ZNF385D: variants seen among roughly 807,000 people sequenced by gnomAD.
ZNF385D encodes the protein zinc finger protein 385D, also known as zinc finger protein 659.
In ZNF385D, 15 loss-of-function variants were observed where a neutral mutation model predicts 35.8. That is an observed-to-expected ratio of 0.42 (90% CI 0.28 to 0.64). The LOEUF is 0.64. Among genes scored for constraint, ZNF385D ranks in the 30% least tolerant of loss-of-function variants. The probability of loss-of-function intolerance (pLI) is 0.23; values close to 1 mark genes in which losing one functional copy is unlikely to be tolerated. For missense variants in ZNF385D, 474 were observed against 494.6 expected (o/e 0.96, Z 0.39); for synonymous variants, 212 against 186.8 (o/e 1.13, Z -1.10).
chr3:21,577,080 G>C (rs1440216645), intron 2 of ZNF385D, among the ~76,000 whole-genome samples: 1 of 152,078 alleles, frequency 6.6e-6, no homozygotes, highest in Admixed American at 6.6e-5. Flanking sequence ...CTTTAATAAA[G>C]TGCTAAAGAA....
At chr3:21,978,427 C>T (rs934249866) in intron 3 of ZNF385D, 14 of 152,068 alleles carry the variant, frequency 9.2e-5, no homozygotes, top group African/African-American at 3.1e-4. Context: ...TTTATTTTTG[C>T]TTTAAAGGGG....
At chr3:22,136,403 T>C (rs747321457) in intron 3 of ZNF385D, among the ~76,000 whole-genome samples, 14 of 149,548 alleles carry the variant, frequency 9.4e-5, no homozygotes, top group Non-Finnish European at 1.9e-4. Context: ...AAAAAAAGTA[T>C]CAACAATCTA....
chr3:22,085,817 C>A (rs574745521), intron 3 of ZNF385D, among the ~76,000 whole-genome samples: 14 of 152,304 alleles, frequency 9.2e-5, no homozygotes, highest in Admixed American at 5.2e-4. Flanking sequence ...AAAATACTGG[C>A]AAACCGAATC....
At chr3:21,981,237 T>C (rs559524714) in intron 3 of ZNF385D, among the ~76,000 whole-genome samples, 145 of 152,278 alleles carry the variant, frequency 9.5e-4, no homozygotes, top group African/African-American at 2.5e-3. Flanking sequence ...CTGTTACTTT[T>C]TCACTTTTTA....
intron 4 of ZNF385D, among the ~76,000 whole-genome samples, chr3:21,446,782 C>T (rs1039556340): frequency 1.3e-4 from 16 of 119,432 alleles, no homozygotes; most frequent in South Asian, 3.3e-4. Flanking sequence ...CGTGAGCCAC[C>T]GTGCCTGGCC....
intron 3 of ZNF385D, among the ~76,000 whole-genome samples, chr3:22,027,144 C>A (rs867630739): frequency 6.6e-6 from 1 of 152,184 alleles, no homozygotes; most frequent in South Asian, 2.1e-4. Flanking sequence ...AGCTCAGATA[C>A]TCCTTCTAAG....
intron 3 of ZNF385D, among the ~76,000 whole-genome samples, chr3:22,150,242 C>G (rs1705132285): frequency 6.6e-6 from 1 of 152,162 alleles, no homozygotes. Context: ...AACTTTCCCT[C>G]TATGTTCAAA....
intron 2 of ZNF385D, among the ~76,000 whole-genome samples, chr3:21,587,944 A>C (rs1429995319): frequency 6.6e-6 from 1 of 152,174 alleles, no homozygotes; most frequent in Non-Finnish European, 1.5e-5. Flanking sequence ...AAGGTTTTTA[A>C]AAAGGTAGGT....
intron 2 of ZNF385D, among the ~76,000 whole-genome samples, chr3:21,583,808 T>G (rs1028000335): frequency 2.7e-5 from 4 of 150,922 alleles, no homozygotes; most frequent in African/African-American, 9.7e-5. Context: ...TAACTATACA[T>G]AGTATGTTTC....
chr3:21,445,439 T>C (rs368264), intron 4 of ZNF385D, among the ~76,000 whole-genome samples: 98,148 of 152,054 alleles, frequency 0.65, 31,969 homozygotes, highest in African/African-American at 0.72. Flanking sequence ...TTACTTTTTT[T>C]CTCTACAAGG....
chr3:21,973,283 G>C (rs1576048562), intron 3 of ZNF385D, among the ~76,000 whole-genome samples: 1 of 151,880 alleles, frequency 6.6e-6, no homozygotes, highest in East Asian at 1.9e-4. Flanking sequence ...CAATCAATGT[G>C]ATATCTTATA....
intron 2 of ZNF385D, among the ~76,000 whole-genome samples, chr3:22,359,741 A>C (rs767428127): frequency 3.2e-4 from 48 of 152,046 alleles, no homozygotes; most frequent in South Asian, 6.2e-4. Context: ...TGCCAGTTAA[A>C]ATGATAGGAA....
chr3:22,357,061 T>TA (rs1354043198), intron 2 of ZNF385D, among the ~76,000 whole-genome samples: 2 of 152,022 alleles, frequency 1.3e-5, no homozygotes, highest in African/African-American at 4.8e-5. Context: ...CATTAGCACA[T>TA]AAAAAGAAAA....
intron 1 of ZNF385D, among the ~76,000 whole-genome samples, chr3:21,722,718 A>T (rs1380176890): frequency 6.6e-6 from 1 of 152,208 alleles, no homozygotes; most frequent in African/African-American, 2.4e-5. Flanking sequence ...CACACAAAGG[A>T]GATCAGATCC....
intron 3 of ZNF385D, among the ~76,000 whole-genome samples, chr3:22,091,688 C>CGA (rs1701340173): frequency 6.6e-6 from 1 of 152,160 alleles, no homozygotes. Context: ...CAGAGCCCCC[C>CGA]GACTGAAGGA....
intron 3 of ZNF385D, among the ~76,000 whole-genome samples, chr3:21,880,586 G>A (rs1698226087): frequency 1.3e-5 from 2 of 151,856 alleles, no homozygotes; most frequent in African/African-American, 2.4e-5. Flanking sequence ...TATCCCCTGA[G>A]ACAAAATAAT....
chr3:22,332,130 T>A (rs1020307014), intron 2 of ZNF385D, among the ~76,000 whole-genome samples: 2 of 152,300 alleles, frequency 1.3e-5, no homozygotes, highest in South Asian at 4.1e-4. Context: ...CTTCTATCCA[T>A]TATTAAGAGG....
intron 3 of ZNF385D, among the ~76,000 whole-genome samples, chr3:22,004,351 G>A (rs1487135992): frequency 1.4e-5 from 2 of 147,678 alleles, no homozygotes; most frequent in Admixed American, 6.7e-5. Flanking sequence ...TAGGGGAAAT[G>A]CTGCAGGACA....
intron 3 of ZNF385D, among the ~76,000 whole-genome samples, chr3:21,914,355 A>G (rs1157808171): frequency 6.7e-6 from 1 of 148,340 alleles, no homozygotes; most frequent in Non-Finnish European, 1.5e-5. Flanking sequence ...TCTCTAACCC[A>G]TCTTCTGTTC....
Sources: allele counts gnomAD v4.1 joint callset (sites outside exome capture counted in the v4.1 genomes callset), GRCh38; gene constraint gnomAD v4.1.1; transcripts MANE v1.5; gene names NCBI Gene and HGNC (gene_info 2026-07-23, HGNC 2026-07-21).